Variants in ITM2B observed in about 807,000 individuals in gnomAD.
ITM2B encodes the protein integral membrane protein 2B.
ITM2B carries 11 observed loss-of-function variants against 27.8 expected under a neutral mutation model. The observed-to-expected ratio is 0.40, with a 90% CI of 0.25 to 0.66. The LOEUF is 0.66. Ranked by LOEUF, ITM2B falls within the 30% of genes least tolerant of loss-of-function variation. ITM2B has a pLI of 0.43. For missense variants in ITM2B, 296 were observed against 328.9 expected (o/e 0.90, Z 0.77); for synonymous variants, 114 against 114.3 (o/e 1.00, Z 0.02).
intron 1 of ITM2B, among the ~76,000 whole-genome samples, chr13:48,241,918 G>T (rs1951701605): frequency 6.6e-6 from 1 of 152,148 alleles, no homozygotes; most frequent in Admixed American, 6.5e-5. Context: ...TGACCTTGTG[G>T]ACCCCCTGAA....
At chr13:48,254,049 C>A in intron 2 of ITM2B, 113 bp downstream of exon 2, 1 of 1,016,248 alleles carries the variant, frequency 9.8e-7, no homozygotes. Flanking sequence ...TATCTGTGAC[C>A]TTCAGCCAGA....
chr13:48,253,763 T>C (rs747325653), intron 1 of ITM2B, 45 bp from the exon 2 acceptor site: 2 of 1,590,590 alleles, frequency 1.3e-6, no homozygotes, highest in Admixed American at 1.7e-5. Flanking sequence ...CCTTCTGTTA[T>C]TCTGTCTGGA....
chr13:48,236,015 T>A (rs1372921498), intron 1 of ITM2B, among the ~76,000 whole-genome samples: 2 of 152,224 alleles, frequency 1.3e-5, no homozygotes, highest in Admixed American at 1.3e-4. Flanking sequence ...ATTTTTTTCT[T>A]CTGCAGGGTG....
intron 1 of ITM2B, among the ~76,000 whole-genome samples, chr13:48,247,029 T>C (rs1422005214): frequency 6.6e-6 from 1 of 152,186 alleles, no homozygotes; most frequent in Non-Finnish European, 1.5e-5. Flanking sequence ...GGTTTCACCA[T>C]GTTGGCCAGG....
At chr13:48,247,096 G>T (rs368276915) in intron 1 of ITM2B, among the ~76,000 whole-genome samples, 1 of 152,204 alleles carries the variant, frequency 6.6e-6, no homozygotes, top group Admixed American at 6.5e-5. Flanking sequence ...AAAGTGCTGG[G>T]ATTACAGGCA....
intron 1 of ITM2B, among the ~76,000 whole-genome samples, chr13:48,253,541 A>G (rs535850528): frequency 1.3e-5 from 2 of 152,282 alleles, no homozygotes; most frequent in South Asian, 4.1e-4. Context: ...GGAGTGTATC[A>G]TTGCTTGAGG....
At position 48,265,451 on chromosome 13, in the gene ITM2B, T is replaced by C. The variant is rs1021497624; in HGVS notation, c.*4227T>C. On this transcript the variant is annotated 3_prime_UTR_variant, in exon 6 of 6. Transcript: ENST00000647800. ...ACCTCCTAGCAGCTTCCTGCTGTTCTGCTCTAGTGGTTCTCTCTGCTTCCC... is the reference window on the plus strand; with the variant it reads ...ACCTCCTAGCAGCTTCCTGCTGTTCCGCTCTAGTGGTTCTCTCTGCTTCCC... 6.6e-6 allele frequency: 1 copy of C among 152,284 alleles called. No individual in the cohort carries two copies. Among genetic ancestry groups the C allele is most frequent in the Non-Finnish European group, 1.5e-5 (1 of 68,096 alleles). The allele number at this position is 152,284 out of a possible 1,614,324, so 9.4% of individuals were successfully genotyped here. A position where few individuals can be genotyped will look rare whatever the true frequency, so the allele number is the denominator to read the frequency against.
rs11556906 is a variant in ITM2B, at chr13:48,233,356, G to T, written c.-5G>T. ...CCGCCCTTCGAGGGCGCCCCAGGCC[G>T]CGCCATGGTGAAGGTGACGTTCAAC... On this transcript the variant is annotated 5_prime_UTR_variant, in exon 1 of 6. Transcript: ENST00000647800. 6.5e-7 allele frequency: 1 copy of T among 1,546,614 alleles called. No individual in the cohort carries two copies. Among genetic ancestry groups the T allele is most frequent in the Non-Finnish European group, 8.7e-7 (1 of 1,147,324 alleles).
chr13:48,242,530 A>T (rs534401653), intron 1 of ITM2B, among the ~76,000 whole-genome samples: 2 of 152,174 alleles, frequency 1.3e-5, no homozygotes, highest in African/African-American at 4.8e-5. Flanking sequence ...TCTTTATCAC[A>T]TGCTAGATCT....
intron 1 of ITM2B, among the ~76,000 whole-genome samples, chr13:48,249,113 A>G (rs1446137908): frequency 6.6e-6 from 1 of 152,214 alleles, no homozygotes; most frequent in East Asian, 1.9e-4. Context: ...TCAAGATACG[A>G]AAGATTTCCA....
rs1309506644 is a variant in ITM2B, at chr13:48,262,261, CCT to C, written c.*1042_*1043del. 6.6e-6 allele frequency: 1 copy of C among 152,056 alleles called. No homozygotes were observed. Among genetic ancestry groups the C allele is most frequent in the Non-Finnish European group, 1.5e-5 (1 of 68,000 alleles). The allele number at this position is 152,056 out of a possible 1,614,324, so 9.4% of individuals were successfully genotyped here. On this transcript the variant is annotated 3_prime_UTR_variant, in exon 6 of 6. Transcript: ENST00000647800. ...GATTTTTATGTTTCTAAGGTTGCTT[CCT>C]CTCTGAAATAATTCAGAATCCACCC...
At chr13:48,258,020 AT>A (rs754705887) in intron 3 of ITM2B, 105 bp from the exon 4 acceptor site, 108 of 698,418 alleles carry the variant, frequency 1.5e-4, no homozygotes, top group Admixed American at 3.4e-4. Flanking sequence ...TGATTTATAC[AT>A]TCTAAAGCCA....
Position 48,261,928 on chromosome 13 carries a change from A to G in ITM2B, c.*704A>G, listed in dbSNP as rs576992224. 19 of 152,550 alleles carry G rather than the reference A, an allele frequency of 1.2e-4. No individual in the cohort carries two copies. The highest frequency in any genetic ancestry group is 2.5e-4 in the Non-Finnish European group (17 of 67,986). The allele number at this position is 152,550 out of a possible 1,614,324, so 9.4% of individuals were successfully genotyped here. A position where few individuals can be genotyped will look rare whatever the true frequency, so the allele number is the denominator to read the frequency against. On this transcript the variant is annotated 3_prime_UTR_variant, in exon 6 of 6. Transcript: ENST00000647800. ...AACCAAAGAATAGTTTGGTTCTTCA[A>G]ATCTTAAGAGAATCCACATAAAAGA...
At chr13:48,253,244 T>A (rs904685503) in intron 1 of ITM2B, among the ~76,000 whole-genome samples, 2 of 152,214 alleles carry the variant, frequency 1.3e-5, no homozygotes, top group Non-Finnish European at 2.9e-5. Flanking sequence ...TTTTTGAAAT[T>A]CTAATTGTTT....
intron 4 of ITM2B, 21 bp from the exon 5 acceptor site, chr13:48,258,776 T>G (rs1324848800): frequency 6.2e-7 from 1 of 1,609,790 alleles, no homozygotes; most frequent in African/African-American, 1.3e-5. Context: ...AGTCATGTCA[T>G]GTATTCTTTT....
chr13:48,241,357 G>A (rs1951699173), intron 1 of ITM2B, among the ~76,000 whole-genome samples: 1 of 152,110 alleles, frequency 6.6e-6, no homozygotes, highest in African/African-American at 2.4e-5. Flanking sequence ...GATTACAGGT[G>A]CCCACCACCA....
At chr13:48,253,967 T>A in intron 2 of ITM2B, 31 bp downstream of exon 2, 4 of 281,824 alleles carry the variant, frequency 1.4e-5, no homozygotes. Flanking sequence ...GTGTCTCTGA[T>A]TTTTTTTTTT....
At chr13:48,237,890 G>C (rs532882215) in intron 1 of ITM2B, among the ~76,000 whole-genome samples, 3 of 152,174 alleles carry the variant, frequency 2.0e-5, no homozygotes, top group East Asian at 3.9e-4. Flanking sequence ...TGTCAGTAAA[G>C]GAAGACTCAG....
chr13:48,265,430 C>G lies in ITM2B; in HGVS notation c.*4206C>G, dbSNP rs940982517. The G allele has an allele frequency of 6.6e-6, 1 of 152,310 alleles. No individual in the cohort carries two copies. Among genetic ancestry groups the G allele is most frequent in the Admixed American group, 6.6e-5 (1 of 15,264 alleles). The allele number at this position is 152,310 out of a possible 1,614,324, so 9.4% of individuals were successfully genotyped here. A position where few individuals can be genotyped will look rare whatever the true frequency, so the allele number is the denominator to read the frequency against. On this transcript the variant is annotated 3_prime_UTR_variant, in exon 6 of 6. Transcript: ENST00000647800. ...TTCACAGTCACTGTGTCCTCCACCT[C>G]CTAGCAGCTTCCTGCTGTTCTGCTC...
Sources: gnomAD v4.1 joint callset for allele counts (sites outside exome capture counted in the v4.1 genomes callset) on GRCh38, gnomAD v4.1.1 for gene constraint, MANE v1.5 for transcripts, NCBI Gene and HGNC (gene_info 2026-07-23, HGNC 2026-07-21) for gene names.